PTPRD: variants seen among roughly 807,000 people sequenced by gnomAD.
PTPRD encodes protein tyrosine phosphatase receptor type D, also known as receptor-type tyrosine-protein phosphatase delta.
A neutral mutation model predicts 214.5 loss-of-function variants in PTPRD; 34 were observed. The ratio of observed to expected loss-of-function variants is 0.16; its 90% CI spans 0.12 to 0.21. The LOEUF is 0.21. Ranked by LOEUF, PTPRD falls within the 10% of genes least tolerant of loss-of-function variation. The pLI is 1.00. For synonymous variants in PTPRD, 1,128 were observed against 845.7 expected (o/e 1.33, Z -5.79); for missense variants, 2,545 against 2,398.7 (o/e 1.06, Z -1.27).
chr9:10,161,953 C>A (rs2099129685), intron 3 of PTPRD, among the ~76,000 whole-genome samples: 1 of 151,564 alleles, frequency 6.6e-6, no homozygotes, highest in Non-Finnish European at 1.5e-5. Flanking sequence ...AAATGCTTAA[C>A]ATCACTAATC....
intron 3 of PTPRD, among the ~76,000 whole-genome samples, chr9:10,209,761 T>C (rs1195043194): frequency 2.0e-5 from 3 of 152,096 alleles, no homozygotes; most frequent in African/African-American, 4.8e-5. Flanking sequence ...TGAACAAAAA[T>C]ACATAATGCA....
chr9:8,676,623 G>T (rs969862423), intron 12 of PTPRD, among the ~76,000 whole-genome samples: 10 of 151,616 alleles, frequency 6.6e-5, no homozygotes, highest in African/African-American at 2.4e-4. Flanking sequence ...GCCCAGGCTG[G>T]AGTGCAATGG....
chr9:9,320,801 T>C (rs1256766128), intron 9 of PTPRD, among the ~76,000 whole-genome samples: 1 of 152,186 alleles, frequency 6.6e-6, no homozygotes, highest in Non-Finnish European at 1.5e-5. Context: ...CCTCTACATA[T>C]TTGGGAGGAG....
chr9:10,158,974 T>C (rs535950893), intron 3 of PTPRD, among the ~76,000 whole-genome samples: 1 of 152,058 alleles, frequency 6.6e-6, no homozygotes, highest in Admixed American at 6.6e-5. Context: ...CAAGTCAGAG[T>C]GGCTGTTCAG....
intron 11 of PTPRD, among the ~76,000 whole-genome samples, chr9:8,918,668 G>T (rs963258208): frequency 6.6e-6 from 1 of 152,082 alleles, no homozygotes; most frequent in African/African-American, 2.4e-5. Context: ...TGCATAAAAG[G>T]TGCTTTTCCT....
At chr9:8,833,931 CAT>C (rs766171947) in intron 11 of PTPRD, among the ~76,000 whole-genome samples, 18,411 of 151,818 alleles carry the variant, frequency 0.12, 1,364 homozygotes, top group East Asian at 0.27. Context: ...AAACACCGGG[CAT>C]TTTAAGAAGT....
At position 8,460,391 on chromosome 9, in the gene PTPRD, G is replaced by C. The variant is rs779594015; in HGVS notation, c.3875+20C>G. The C allele has an allele frequency of 2.5e-6, 4 of 1,609,794 alleles. No homozygotes were observed. Among genetic ancestry groups the C allele is most frequent in the Non-Finnish European group, 3.4e-6 (4 of 1,177,938 alleles). ...TAAGGCAGCCTCCAAAATTACAACAGAAATATTGGGCAAACCTACCTTTTA... is the reference window on the plus strand; with the variant it reads ...TAAGGCAGCCTCCAAAATTACAACACAAATATTGGGCAAACCTACCTTTTA... On this transcript the variant is annotated intron_variant, in intron 33 of 45. Transcript: ENST00000381196.
intron 3 of PTPRD, among the ~76,000 whole-genome samples, chr9:10,311,747 A>C (rs559905263): frequency 2.9e-4 from 44 of 152,098 alleles, no homozygotes; most frequent in African/African-American, 1.1e-3. Context: ...CAACTCTAGG[A>C]ATTATAAGAT....
chr9:9,464,242 T>C (rs886424539), intron 8 of PTPRD, among the ~76,000 whole-genome samples: 1 of 152,132 alleles, frequency 6.6e-6, no homozygotes, highest in South Asian at 2.1e-4. Context: ...ATCACCCAAA[T>C]AGTGAACATC....
chr9:9,955,631 C>T (rs2093852021), intron 4 of PTPRD, among the ~76,000 whole-genome samples: 1 of 151,720 alleles, frequency 6.6e-6, no homozygotes, highest in African/African-American at 2.4e-5. Context: ...TCACGCCATT[C>T]TCCTGCCTCA....
chr9:8,933,364 A>G (rs1175986964), intron 11 of PTPRD, among the ~76,000 whole-genome samples: 2 of 29,176 alleles, frequency 6.9e-5, no homozygotes, highest in African/African-American at 2.8e-4. Flanking sequence ...TTTTTTTTTT[A>G]CATAAAAGGA....
At chr9:9,291,263 A>C (rs1455544196) in intron 9 of PTPRD, among the ~76,000 whole-genome samples, 1 of 151,476 alleles carries the variant, frequency 6.6e-6, no homozygotes, top group Non-Finnish European at 1.5e-5. Context: ...CCTTTAGAAG[A>C]GAAACCTTAA....
chr9:8,727,374 A>G (rs1476641528), intron 12 of PTPRD, among the ~76,000 whole-genome samples: 1 of 152,240 alleles, frequency 6.6e-6, no homozygotes, highest in Non-Finnish European at 1.5e-5. Flanking sequence ...AGGCTAAAGG[A>G]TCAGTAAAAT....
At chr9:8,533,477 T>C (rs1470652925) in intron 14 of PTPRD, among the ~76,000 whole-genome samples, 3 of 152,046 alleles carry the variant, frequency 2.0e-5, no homozygotes, top group African/African-American at 4.8e-5. Context: ...TTTAAAAATT[T>C]GGCAAGTATA....
At position 9,513,336 on chromosome 9, in the gene PTPRD, C is replaced by G. The variant is rs531975809; in HGVS notation, c.-237+61396G>C. ...TAATATCTTTGCCCTTCTTTTTATT[C>G]CATGTGTTGCTAAATTGATTACTTT... On this transcript the variant is annotated intron_variant, in intron 8 of 45. Coordinates refer to ENST00000381196, the MANE Select transcript of PTPRD (RefSeq NM_002839.4). Among the ~76,000 whole-genome samples the G allele has an allele frequency of 4.0e-5, 6 of 151,894 alleles. No homozygotes were observed. The South Asian group carries it at 6.2e-4, about 16-fold the overall frequency.
At chr9:10,106,025 A>C (rs929412521) in intron 3 of PTPRD, among the ~76,000 whole-genome samples, 2 of 150,552 alleles carry the variant, frequency 1.3e-5, no homozygotes, top group South Asian at 4.2e-4. Context: ...AAAAAAAAAA[A>C]AAAAAAAAAA....
chr9:10,032,845 T>A (rs1373926127), intron 4 of PTPRD, among the ~76,000 whole-genome samples: 4 of 144,346 alleles, frequency 2.8e-5, no homozygotes, highest in Non-Finnish European at 4.4e-5. Context: ...CAATTTATAT[T>A]TTTTTACTAT....
At chr9:10,501,261 T>C (rs833444) in intron 2 of PTPRD, among the ~76,000 whole-genome samples, 144,226 of 152,054 alleles carry the variant, frequency 0.95, 68,836 homozygotes, top group East Asian at 1. Context: ...TATCTCATTG[T>C]AGTCTTGATT....
rs577862410 is a variant in PTPRD, at chr9:8,396,531, C to T, written c.4211-7124G>A. Among the ~76,000 whole-genome samples the T allele has an allele frequency of 1.2e-4, 18 of 152,036 alleles. No homozygotes were observed. The East Asian group carries it at 3.1e-3, about 26-fold the overall frequency. On this transcript the variant is annotated intron_variant, in intron 36 of 45. Coordinates refer to ENST00000381196, the MANE Select transcript of PTPRD (RefSeq NM_002839.4). ...TGTACAATTAAAAAAAACAAAAAAG[C>T]TCCAATGAACTGAAGACAATAGAGA...
Sources: allele counts gnomAD v4.1 joint callset (sites outside exome capture counted in the v4.1 genomes callset), GRCh38; gene constraint gnomAD v4.1.1; transcripts MANE v1.5; gene names NCBI Gene and HGNC (gene_info 2026-07-23, HGNC 2026-07-21).